The following RELB variants were observed in gnomAD, a reference collection of about 807,000 sequenced individuals.
RELB encodes the protein transcription factor RelB.
Under a neutral mutation model 55.4 loss-of-function variants are expected in RELB, and 14 were observed. The observed-to-expected ratio is 0.25, with a 90% confidence interval of 0.17 to 0.40. RELB has a LOEUF of 0.40. Among genes scored for constraint, RELB ranks in the 10% least tolerant of loss-of-function variants. The probability of loss-of-function intolerance (pLI) is 1.00; values close to 1 mark genes in which losing one functional copy is unlikely to be tolerated. For missense variants in RELB, 669 were observed against 830.7 expected, an observed-to-expected ratio of 0.81 and a Z score of 2.39; for synonymous variants, 409 against 371.3, an observed-to-expected ratio of 1.10 and a Z score of -1.17.
At chr19:45,015,155 G>A (rs1289503293) in intron 4 of RELB, among the ~76,000 whole-genome samples, 4 of 149,422 alleles carry the variant, frequency 2.7e-5, no homozygotes, top group Non-Finnish European at 4.5e-5. Context: ...CACCTGCCTC[G>A]GCCTCCCAAA....
intron 1 of RELB, among the ~76,000 whole-genome samples, chr19:45,002,411 G>A (rs186825939): frequency 1.1e-3 from 165 of 152,244 alleles, no homozygotes; most frequent in African/African-American, 3.9e-3. Flanking sequence ...GGAGTGCAGT[G>A]GCACGATCTA....
intron 2 of RELB, 125 bp from the exon 3 acceptor site, chr19:45,009,689 C>T: frequency 1.8e-6 from 2 of 1,124,846 alleles, no homozygotes; most frequent in East Asian, 2.4e-5. Flanking sequence ...CCAGGGTTTC[C>T]CAGGACGGAG....
At chr19:45,021,953 T>G in intron 4 of RELB, 100 bp from the exon 5 acceptor site, 2 of 1,188,824 alleles carry the variant, frequency 1.7e-6, no homozygotes, top group Non-Finnish European at 2.3e-6. Flanking sequence ...AGGACCCTAG[T>G]GGGGAGAGGA....
intron 5 of RELB, among the ~76,000 whole-genome samples, chr19:45,023,689 C>T (rs1161360021): frequency 3.4e-5 from 5 of 148,998 alleles, no homozygotes; most frequent in African/African-American, 4.9e-5. Context: ...CCGCCCGCCT[C>T]GGCCTCCCAA....
intron 2 of RELB, among the ~76,000 whole-genome samples, chr19:45,006,410 G>T (rs1409130452): frequency 6.6e-6 from 1 of 151,884 alleles, no homozygotes; most frequent in African/African-American, 2.4e-5. Flanking sequence ...CACCACGTTG[G>T]CCAGGCTTGT....
At chr19:45,007,195 T>C (rs1186271709) in intron 2 of RELB, among the ~76,000 whole-genome samples, 2 of 152,060 alleles carry the variant, frequency 1.3e-5, no homozygotes, top group Non-Finnish European at 2.9e-5. Context: ...CATAGTCAAT[T>C]TCCTGCTCTC....
At position 45,037,401 on chromosome 19, in the gene RELB, G is replaced by T. The variant is rs774125980; in HGVS notation, c.1355-4G>T. On this transcript the variant is annotated splice_region_variant and splice_polypyrimidine_tract_variant and intron_variant, in intron 11 of 11. Transcript: ENST00000221452. ...CTACACTTCTCTTGTCTTCATCCCCGTAGGCCCGTTCCTCCCGCCGTCAGC... is the reference window on the plus strand; with the variant it reads ...CTACACTTCTCTTGTCTTCATCCCCTTAGGCCCGTTCCTCCCGCCGTCAGC... 16 of 1,558,780 alleles carry T rather than the reference G, an allele frequency of 1.0e-5. No individual in the cohort carries two copies. The highest frequency in any genetic ancestry group is 5.7e-5 in the Admixed American group (3 of 52,932).
At chr19:45,016,350 T>C (rs573508665) in intron 4 of RELB, among the ~76,000 whole-genome samples, 1 of 152,314 alleles carries the variant, frequency 6.6e-6, no homozygotes, top group African/African-American at 2.4e-5. Context: ...ATACAGCATA[T>C]ATAATCACAT....
At chr19:45,010,865 T>C (rs1051878415) in intron 3 of RELB, among the ~76,000 whole-genome samples, 5 of 151,524 alleles carry the variant, frequency 3.3e-5, no homozygotes, top group Non-Finnish European at 7.4e-5. Context: ...TATTTATCTA[T>C]TTATTTAGAG....
At chr19:45,022,537 T>C (rs1256914226) in intron 5 of RELB, among the ~76,000 whole-genome samples, 2 of 146,612 alleles carry the variant, frequency 1.4e-5, no homozygotes, top group East Asian at 2.0e-4. Context: ...TCTCTTACTT[T>C]ACAATTCATC....
chr19:45,021,099 C>T (rs532154535), intron 4 of RELB, among the ~76,000 whole-genome samples: 37 of 152,054 alleles, frequency 2.4e-4, no homozygotes, highest in African/African-American at 5.5e-4. Context: ...CCCTTGAGCC[C>T]GGAGGCGGAG....
In RELB at chr19:45,003,915, G is replaced by GTTTTT. The variant is rs1039624578; in HGVS notation, c.154+941_154+945dup. 1.8e-3 allele frequency among the ~76,000 whole-genome samples: 116 copies of GTTTTT among 63,576 alleles called. 20 individuals are homozygous for GTTTTT. The highest frequency in any genetic ancestry group is 2.4e-3 in the East Asian group (4 of 1,646). The allele number at this position is 63,576 out of a possible 152,430, so 41.7% of individuals were successfully genotyped here. Reference sequence around the variant, plus strand: ...TGGGTTTTTTTTGTCTGTTTTTTGTGTTTTTTTTTTTTTTTTTTTTTTTTT... The same window carrying GTTTTT: ...TGGGTTTTTTTTGTCTGTTTTTTGTGTTTTTTTTTTTTTTTTTTTTTTTTTTTTTT... On this transcript the variant is annotated intron_variant, in intron 2 of 11. Coordinates refer to ENST00000221452, the MANE Select transcript of RELB (RefSeq NM_006509.4).
chr19:45,037,219 T>C (rs1600085677), intron 11 of RELB, among the ~76,000 whole-genome samples, 186 bp from the exon 12 acceptor site: 1 of 151,020 alleles, frequency 6.6e-6, no homozygotes, highest in South Asian at 2.1e-4. Flanking sequence ...GAGGCAGAGG[T>C]TGCAGTGAGC....
chr19:45,025,875 G>T, intron 7 of RELB, 138 bp downstream of exon 7: 1 of 1,112,784 alleles, frequency 9.0e-7, no homozygotes, highest in South Asian at 1.4e-5. Context: ...GAGGTGGGAG[G>T]ATTGCTTGAG....
chr19:45,011,095 G>A (rs1055891631), intron 3 of RELB, among the ~76,000 whole-genome samples: 3 of 152,106 alleles, frequency 2.0e-5, no homozygotes, highest in East Asian at 1.9e-4. Context: ...CAGGTGATCC[G>A]CCTGCCTCGG....
chr19:45,007,262 T>A (rs1316421476), intron 2 of RELB, among the ~76,000 whole-genome samples: 1 of 151,854 alleles, frequency 6.6e-6, no homozygotes, highest in Non-Finnish European at 1.5e-5. Flanking sequence ...AAGTCCACGT[T>A]GGGGGTAAAG....
At chr19:45,011,449 A>G (rs953279734) in intron 3 of RELB, among the ~76,000 whole-genome samples, 6 of 151,866 alleles carry the variant, frequency 4.0e-5, no homozygotes, top group Non-Finnish European at 7.4e-5. Context: ...GGCATGAGCC[A>G]CCGCGCCCAG....
chr19:45,035,020 T>G (rs897839705), intron 11 of RELB, among the ~76,000 whole-genome samples: 1 of 151,808 alleles, frequency 6.6e-6, no homozygotes, highest in African/African-American at 2.4e-5. Context: ...TTTGTATTTT[T>G]TAGTAGAGAC....
intron 7 of RELB, among the ~76,000 whole-genome samples, chr19:45,026,352 G>A (rs1971558088): frequency 6.6e-6 from 1 of 152,002 alleles, no homozygotes; most frequent in African/African-American, 2.4e-5. Flanking sequence ...GCAGTGAGCT[G>A]TGATCATGCC....
Sources: allele counts gnomAD v4.1 joint callset (sites outside exome capture counted in the v4.1 genomes callset), GRCh38; gene constraint gnomAD v4.1.1; transcripts MANE v1.5; gene names NCBI Gene and HGNC (gene_info 2026-07-23, HGNC 2026-07-21).